The following CSNK2A1 variants were observed in gnomAD, a reference collection of about 807,000 sequenced individuals.
The protein encoded by CSNK2A1 is casein kinase 2 alpha 1, also known as casein kinase II subunit alpha.
CSNK2A1 carries 10 observed loss-of-function variants against 62.9 expected under a neutral mutation model. The ratio of observed to expected loss-of-function variants is 0.16; its 90% CI spans 0.10 to 0.27. The LOEUF is 0.27. Among genes scored for constraint, CSNK2A1 ranks in the 10% least tolerant of loss-of-function variants. The pLI is 1.00. For missense variants in CSNK2A1, 160 were observed against 492.0 expected (o/e 0.33, Z 6.38); for synonymous variants, 124 against 167.8 (o/e 0.74, Z 2.02).
At position 499,416 on chromosome 20, in the gene CSNK2A1, G is replaced by A; in HGVS notation, c.316-111C>T. 5 of 934,784 alleles carry A rather than the reference G, an allele frequency of 5.3e-6. No homozygotes were observed. Among genetic ancestry groups the A allele is most frequent in the Non-Finnish European group, 3.2e-6 (2 of 626,634 alleles). The allele number at this position is 934,784 out of a possible 1,614,324, so 57.9% of individuals were successfully genotyped here. ...GTGAAATTTGGCAGTCCTCGCCTCA[G>A]TAGTAAGAAACCCTCTATTGCTACA... On this transcript the variant is annotated intron_variant, in intron 5 of 13. Transcript: ENST00000217244. The surrounding 1 kb of genome is among the most constrained non-coding windows in gnomAD (Gnocchi z 4.2).
chr20:490,947 T>C (rs1382606114), intron 9 of CSNK2A1, among the ~76,000 whole-genome samples: 1 of 151,770 alleles, frequency 6.6e-6, no homozygotes, highest in Non-Finnish European at 1.5e-5. Flanking sequence ...CCATCTAATG[T>C]GTATCATTAG....
chr20:501,237 G>C (rs1012923450), intron 4 of CSNK2A1: 1 of 152,182 alleles, frequency 6.6e-6, no homozygotes. Flanking sequence ...GCTAATTTTT[G>C]TATTTTTAGT....
rs541378167 is a variant in CSNK2A1, at chr20:532,322, C to G, written c.-226-4273G>C. ...TGGACTACAGGCAAGCGCCACCATG[C>G]CCGGCTAATTTTTTTTTTTTTTTTT... On this transcript the variant is annotated intron_variant, in intron 1 of 13. Transcript: ENST00000217244. Among the ~76,000 whole-genome samples the G allele has an allele frequency of 2.0e-5, 3 of 146,880 alleles. No homozygotes were observed. In the South Asian group the frequency reaches 6.7e-4, roughly 33 times the overall value.
At chr20:504,677 C>T (rs6037819) in intron 4 of CSNK2A1, 16,661 of 159,408 alleles carry the variant, frequency 0.1, 1,127 homozygotes, top group African/African-American at 0.19. Flanking sequence ...TCAGTCCCTA[C>T]CACTCACATC....
intron 13 of CSNK2A1, 53 bp from the exon 14 acceptor site, chr20:484,129 C>A: frequency 7.0e-7 from 1 of 1,420,150 alleles, no homozygotes; most frequent in Non-Finnish European, 9.4e-7. Flanking sequence ...GGCAATCTTA[C>A]CAGTTTCTCA....
At chr20:526,586 G>A in intron 2 of CSNK2A1, 1 of 152,054 alleles carries the variant, frequency 6.6e-6, no homozygotes, top group Non-Finnish European at 1.5e-5. Context: ...ACTCTAGCCA[G>A]GGCGACAGAG....
chr20:497,827 GC>G (rs889940628), intron 6 of CSNK2A1, 47 bp from the exon 7 acceptor site: 17 of 1,556,130 alleles, frequency 1.1e-5, no homozygotes, highest in Non-Finnish European at 1.5e-5. Context: ...TGACAGAAAG[GC>G]ATTTTTCACC....
chr20:492,197 T>C, intron 9 of CSNK2A1, 57 bp downstream of exon 9: 2 of 1,452,522 alleles, frequency 1.4e-6, no homozygotes, highest in East Asian at 2.3e-5. Context: ...TTTTTTTTGG[T>C]AAATTATGTG....
intron 2 of CSNK2A1, among the ~76,000 whole-genome samples, chr20:519,969 A>G (rs899225028): frequency 6.6e-6 from 1 of 152,226 alleles, no homozygotes; most frequent in South Asian, 2.1e-4. Flanking sequence ...TAAAATTATA[A>G]TATCAGGTTT....
Position 478,975 on chromosome 20 carries a change from C to T in CSNK2A1, c.*4986G>A, listed in dbSNP as rs946403881. The stretch of plus-strand genomic sequence containing the variant: ...TCTAGTGAGTAGAGCGACAGGGAGA[C>T]AAATCCAGTTTGTAATTTGCTACAG... On this transcript the variant is annotated 3_prime_UTR_variant, in exon 14 of 14. Coordinates refer to ENST00000217244, the MANE Select transcript of CSNK2A1 (RefSeq NM_177559.3). 8 of 155,886 alleles carry T rather than the reference C, an allele frequency of 5.1e-5. No homozygotes were observed. Among genetic ancestry groups the T allele is most frequent in the Non-Finnish European group, 1.1e-4 (8 of 69,808 alleles). 9.7% of individuals were successfully genotyped at this position (155,886 alleles called of 1,614,324 possible).
rs1347972568 is a variant in CSNK2A1, at chr20:482,358, C to T, written c.*1603G>A. ...AAAACTAGGCTTCCTCAGTGAAGCA[C>T]CTGATAAACTTAGGTGGTTGGATTA... On this transcript the variant is annotated 3_prime_UTR_variant, in exon 14 of 14. Transcript: ENST00000217244. 6.6e-6 allele frequency: 1 copy of T among 152,134 alleles called. No homozygotes were observed. The highest frequency in any genetic ancestry group is 2.4e-5 in the African/African-American group (1 of 41,420). 9.4% of individuals were successfully genotyped at this position (152,134 alleles called of 1,614,324 possible).
chr20:488,534 C>A, intron 11 of CSNK2A1, 144 bp downstream of exon 11: 2 of 755,148 alleles, frequency 2.6e-6, no homozygotes, highest in Admixed American at 2.7e-5. Context: ...CAGAGGCCTG[C>A]TCAATGCAGC....
At position 488,784 on chromosome 20, in the gene CSNK2A1, A is replaced by G; in HGVS notation, c.724-6T>C. The G allele has an allele frequency of 2.5e-6, 4 of 1,605,786 alleles. No individual in the cohort carries two copies. The highest frequency in any genetic ancestry group is 2.5e-6 in the Non-Finnish European group (3 of 1,176,954). On this transcript the variant is annotated splice_region_variant and splice_polypyrimidine_tract_variant and intron_variant, in intron 10 of 13. Coordinates refer to ENST00000217244, the MANE Select transcript of CSNK2A1 (RefSeq NM_177559.3). ...ACCTTGGCTATCCTCACCAACTAGT[A>G]TTAAAGAAAGACAAAAACCCATATC... is the stretch of plus-strand genomic sequence containing the variant.
chr20:491,938 A>G (rs2018244326), intron 9 of CSNK2A1, among the ~76,000 whole-genome samples: 1 of 152,182 alleles, frequency 6.6e-6, no homozygotes, highest in South Asian at 2.1e-4. Context: ...CAAAAACAAA[A>G]ACAAAAACAA....
At chr20:543,520 G>A (rs2019498968) in intron 1 of CSNK2A1, 152 bp downstream of exon 1, 1 of 394,098 alleles carries the variant, frequency 2.5e-6, no homozygotes, top group Non-Finnish European at 4.5e-6. Context: ...GGCTGCAGGG[G>A]CCTCGCTTGG....
intron 2 of CSNK2A1, among the ~76,000 whole-genome samples, chr20:521,966 C>T (rs960747386): frequency 2.6e-5 from 4 of 152,180 alleles, no homozygotes; most frequent in African/African-American, 9.7e-5. Flanking sequence ...ATCAGGGGTC[C>T]CCAATCCCCG....
rs1344889968 is a variant in CSNK2A1 at position 476,158 on chromosome 20, T to C, written c.*7803A>G. 1.3e-5 allele frequency: 2 copies of C among 152,416 alleles called. No homozygotes were observed. Among genetic ancestry groups the C allele is most frequent in the Non-Finnish European group, 2.9e-5 (2 of 68,212 alleles). 9.4% of individuals were successfully genotyped at this position (152,416 alleles called of 1,614,324 possible). On this transcript the variant is annotated 3_prime_UTR_variant, in exon 14 of 14. Transcript: ENST00000217244. ...GGCATGGGCCTTGGCAGCTGAAACT[T>C]GTTAGGCTGGGCCTCTCCCTCGCCA... is the stretch of plus-strand genomic sequence containing the variant.
At chr20:518,759 G>A (rs569850340) in intron 2 of CSNK2A1, among the ~76,000 whole-genome samples, 2 of 135,336 alleles carry the variant, frequency 1.5e-5, no homozygotes, top group Non-Finnish European at 3.1e-5. Context: ...GTTTCACCGT[G>A]TTAGCCAGGA....
chr20:517,130 C>T (rs1300415964), intron 2 of CSNK2A1, among the ~76,000 whole-genome samples: 2 of 152,192 alleles, frequency 1.3e-5, no homozygotes, highest in Non-Finnish European at 2.9e-5. Context: ...TCAGCGAGAC[C>T]TTAAATATGT....
Sources: allele counts gnomAD v4.1 joint callset (sites outside exome capture counted in the v4.1 genomes callset), GRCh38; gene constraint gnomAD v4.1.1; non-coding constraint Gnocchi (gnomAD v3.1); transcripts MANE v1.5; gene names NCBI Gene and HGNC (gene_info 2026-07-23, HGNC 2026-07-21).